The following STK32C variants were observed in gnomAD, a reference collection of about 807,000 sequenced individuals.
STK32C encodes the protein serine/threonine-protein kinase 32C.
STK32C carries 31 observed loss-of-function variants against 56.5 expected under a neutral mutation model. The observed-to-expected ratio is 0.55, with a 90% CI of 0.41 to 0.74. The LOEUF (loss-of-function observed/expected upper bound fraction) is 0.74. Among genes scored for constraint, STK32C ranks in the 30% least tolerant of loss-of-function variants. The pLI is 0.00. For synonymous variants in STK32C, 309 were observed against 289.4 expected, an observed-to-expected ratio of 1.07 and a Z score of -0.69; for missense variants, 544 against 676.9, an observed-to-expected ratio of 0.80 and a Z score of 2.18.
In STK32C at chr10:132,225,670, C is replaced by G. The variant is rs187244260; in HGVS notation, c.683-54G>C. On this transcript the variant is annotated intron_variant, in intron 5 of 11. Coordinates refer to ENST00000298630, the MANE Select transcript of STK32C (RefSeq NM_173575.4). ...TCCCAGGACCAGAGATGCATCCTTGCGTGCAGGATCCTCCTCCCCTGACAG... is the reference window on the plus strand; with the variant it reads ...TCCCAGGACCAGAGATGCATCCTTGGGTGCAGGATCCTCCTCCCCTGACAG... 4.4e-3 allele frequency: 7,121 copies of G among 1,608,474 alleles called. 28 individuals are homozygous for G. Among genetic ancestry groups the G allele is most frequent in the Non-Finnish European group, 5.6e-3 (6,571 of 1,176,210 alleles).
chr10:132,322,561 T>A (rs1231951800), downstream of STK32C, among the ~76,000 whole-genome samples: 1 of 152,222 alleles, frequency 6.6e-6, no homozygotes, highest in Non-Finnish European at 1.5e-5. Context: ...CACTGGCGCA[T>A]AGCATACCTG....
At chr10:132,252,189 T>C (rs1271529903) in intron 1 of STK32C, among the ~76,000 whole-genome samples, 1 of 152,246 alleles carries the variant, frequency 6.6e-6, no homozygotes, top group African/African-American at 2.4e-5. Context: ...CATGAACCGC[T>C]GGCCAGGCCC....
At chr10:132,323,165 C>T (rs2066441547), downstream of STK32C, among the ~76,000 whole-genome samples, 1 of 152,150 alleles carries the variant, frequency 6.6e-6, no homozygotes, top group Non-Finnish European at 1.5e-5. The surrounding 1 kb of genome is among the most constrained non-coding windows in gnomAD (Gnocchi z 4.8). Context: ...TGTTGAACCT[C>T]TTGGGAATTC....
At chr10:132,288,536 T>C (rs1257176779) in intron 1 of STK32C, among the ~76,000 whole-genome samples, 2 of 152,252 alleles carry the variant, frequency 1.3e-5, no homozygotes, top group East Asian at 1.9e-4. Context: ...TACATCTTTA[T>C]TGCAGTAGTG....
chr10:132,309,417 C>T (rs2066178545), upstream of STK32C, among the ~76,000 whole-genome samples: 1 of 152,204 alleles, frequency 6.6e-6, no homozygotes, highest in Non-Finnish European at 1.5e-5. Context: ...GGACACATGG[C>T]ATGCATTTCA....
upstream of STK32C, among the ~76,000 whole-genome samples, chr10:132,308,970 C>G (rs1039895515): frequency 4.6e-5 from 7 of 152,198 alleles, no homozygotes; most frequent in African/African-American, 1.7e-4. Context: ...CTTTAGGAAG[C>G]CTTTACCTCC....
intron 2 of STK32C, among the ~76,000 whole-genome samples, chr10:132,230,156 G>T (rs951650630): frequency 1.3e-5 from 2 of 152,364 alleles, no homozygotes; most frequent in African/African-American, 4.8e-5. Context: ...AGGGCGGGGC[G>T]GGGCGGGATT....
At chr10:132,256,201 C>A (rs1055348680) in intron 1 of STK32C, among the ~76,000 whole-genome samples, 1 of 152,216 alleles carries the variant, frequency 6.6e-6, no homozygotes, top group African/African-American at 2.4e-5. Context: ...TCCTGTGGGG[C>A]CCCTGGGCTC....
intron 1 of STK32C, among the ~76,000 whole-genome samples, chr10:132,295,710 T>C (rs1007392361): frequency 6.6e-6 from 1 of 151,898 alleles, no homozygotes; most frequent in Non-Finnish European, 1.5e-5. Context: ...ATGGCGAAAC[T>C]CTGTCTCGAC....
intron 1 of STK32C, chr10:132,249,085 C>G (rs1458493630): frequency 4.2e-6 from 2 of 478,442 alleles, no homozygotes; most frequent in African/African-American, 2.0e-5. Flanking sequence ...AGGCTCCCAG[C>G]TGGGAGGCAG....
rs1019860703 is a variant in STK32C at position 132,235,968 on chromosome 10, G to A, written c.319-7840C>T. The stretch of plus-strand genomic sequence containing the variant: ...CTCTCTGGAATTCATGTCGGATACC[G>A]AGGGCACAGCGGGAGGTGGCGAAGG... On this transcript the variant is annotated intron_variant, in intron 2 of 11. Coordinates refer to ENST00000298630, the MANE Select transcript of STK32C (RefSeq NM_173575.4). Among the ~76,000 whole-genome samples, 9 of 152,296 alleles carry A rather than the reference G, an allele frequency of 5.9e-5. No individual in the cohort carries two copies. The South Asian group carries it at 1.2e-3, about 21-fold the overall frequency.
intron 1 of STK32C, among the ~76,000 whole-genome samples, chr10:132,301,849 C>A (rs1461191952): frequency 6.6e-6 from 1 of 152,228 alleles, no homozygotes; most frequent in Non-Finnish European, 1.5e-5. Flanking sequence ...GTTAGAGATC[C>A]CCCTCCAGGC....
intron 1 of STK32C, among the ~76,000 whole-genome samples, chr10:132,260,661 C>A (rs917655655): frequency 3.9e-5 from 6 of 152,254 alleles, no homozygotes; most frequent in African/African-American, 1.2e-4. Flanking sequence ...GCACACCCCA[C>A]TATTCTGCAC....
chr10:132,254,333 A>G lies in STK32C; in HGVS notation c.263-8378T>C, dbSNP rs143077927. ...AGGGGAGAAAAAAACAACAAAAAAA[A>G]ATAGCCTTTTCATAAGCCAGGGCTT... is the stretch of plus-strand genomic sequence containing the variant. On this transcript the variant is annotated intron_variant, in intron 1 of 11. Transcript: ENST00000298630. Among the ~76,000 whole-genome samples, 1,016 of 152,320 alleles carry G rather than the reference A, an allele frequency of 6.7e-3. 11 individuals carry two copies. The highest frequency in any genetic ancestry group is 0.022 in the African/African-American group (917 of 41,572).
chr10:132,324,004 C>A, downstream of STK32C: 1 of 512,500 alleles, frequency 2.0e-6, no homozygotes. Flanking sequence ...AGAATTAGCC[C>A]AGTCCCTAAA....
chr10:132,220,713 C>A lies in STK32C; in HGVS notation c.1251+1928G>T, dbSNP rs376712894. The stretch of plus-strand genomic sequence containing the variant: ...ATTTCAACCACAGCACCTGTCAAAT[C>A]CCTGATGAGACCACGACCTCAGACA... On this transcript the variant is annotated intron_variant, in intron 10 of 11. Coordinates refer to ENST00000298630, the MANE Select transcript of STK32C (RefSeq NM_173575.4). Among the ~76,000 whole-genome samples the A allele has an allele frequency of 2.5e-4, 38 of 152,362 alleles. 3 individuals carry two copies. In the South Asian group the frequency reaches 7.7e-3, roughly 31 times the overall value.
At chr10:132,319,823 C>T (rs1364195226), downstream of STK32C, among the ~76,000 whole-genome samples, 1 of 151,410 alleles carries the variant, frequency 6.6e-6, no homozygotes, top group African/African-American at 2.4e-5. Context: ...TTTTTTTCCC[C>T]TTCCTTTTGT....
chr10:132,312,873 C>T (rs1378925773), upstream of STK32C, among the ~76,000 whole-genome samples: 1 of 152,178 alleles, frequency 6.6e-6, no homozygotes, highest in Non-Finnish European at 1.5e-5. Flanking sequence ...AACTCTACCT[C>T]TACTAAAAAT....
chr10:132,296,604 T>C (rs767934012), intron 1 of STK32C, among the ~76,000 whole-genome samples: 9 of 152,242 alleles, frequency 5.9e-5, no homozygotes, highest in Non-Finnish European at 1.2e-4. Context: ...TTATCAGTGC[T>C]GACATGACAC....
Sources: gnomAD v4.1 joint callset for allele counts (sites outside exome capture counted in the v4.1 genomes callset) on GRCh38, gnomAD v4.1.1 for gene constraint, Gnocchi (gnomAD v3.1) non-coding constraint, MANE v1.5 for transcripts, NCBI Gene and HGNC (gene_info 2026-07-23, HGNC 2026-07-21) for gene names.